POC1B: variants seen among roughly 807,000 people sequenced by gnomAD.
POC1B encodes the protein POC1 centriolar protein homolog B.
Under a neutral mutation model 60.6 loss-of-function variants are expected in POC1B, and 44 were observed. That is an observed-to-expected ratio of 0.73 (90% CI 0.57 to 0.93). The LOEUF is 0.93. Ranked by LOEUF, POC1B falls within the 40% of genes least tolerant of loss-of-function variation. POC1B has a pLI of 0.00. For missense variants in POC1B, 555 were observed against 572.3 expected, an observed-to-expected ratio of 0.97 and a Z score of 0.31; for synonymous variants, 180 against 198.9, an observed-to-expected ratio of 0.90 and a Z score of 0.80.
At position 89,466,775 on chromosome 12, in the gene POC1B, C is replaced by G. The variant is rs745626531; in HGVS notation, c.1027G>C (p.Val343Leu). 1 of 1,611,046 alleles carries G rather than the reference C, an allele frequency of 6.2e-7. No homozygotes were observed. The highest frequency in any genetic ancestry group is 2.2e-5 in the East Asian group (1 of 44,744). ...PHPHEEKVET[V>L]EINPKLEVID... The stretch of plus-strand genomic sequence containing the variant: ...AATATGAACAAAATACTCACTTCTA[C>G]AGTCTCAACTTTTTCCTCATGGGGA... The change falls in exon 9 of 12, where the codon GTA (valine) becomes CTA (leucine). Residue 343 changes from valine (V) to leucine (L), a missense_variant. Physicochemically the swap from Val to Leu is conservative, Grantham distance 32 (BLOSUM62 1). Transcript: ENST00000313546.
chr12:89,407,751 A>G, the POC1B span, among the ~76,000 whole-genome samples: 1 of 152,238 alleles, frequency 6.6e-6, no homozygotes, highest in Non-Finnish European at 1.5e-5. Context: ...CTTAATTGTT[A>G]CAATGAGGCT....
Position 89,466,904 on chromosome 12 carries a change from T to G in POC1B, c.898A>C (p.Asn300His). 2 of 1,612,318 alleles carry G rather than the reference T, an allele frequency of 1.2e-6. No individual in the cohort carries two copies. The highest frequency in any genetic ancestry group is 2.2e-5 in the South Asian group (2 of 90,748). The change falls in exon 9 of 12, where the codon AAC (asparagine) becomes CAC (histidine). Residue 300 changes from asparagine to histidine, a missense_variant. Asn to His is a moderately conservative substitution (Grantham distance 68). Coordinates refer to ENST00000313546, the MANE Select transcript of POC1B (RefSeq NM_172240.3). ...CCTTTACAATGCAATTCATCAAAGT[T>G]AGTCCTCCATAATAAGACCTATGAA... ...ADTQVLLWRTNFDELHCKGLT... is the reference protein window; with the variant it reads ...ADTQVLLWRTHFDELHCKGLT...
At chr12:89,448,166 A>G (rs1436919135) in intron 10 of POC1B, among the ~76,000 whole-genome samples, 2 of 152,214 alleles carry the variant, frequency 1.3e-5, no homozygotes, top group East Asian at 3.9e-4. Flanking sequence ...CAGGATGGGC[A>G]TGGTGGTTCA....
In POC1B at chr12:89,522,925, G is replaced by A. The variant is rs1001844482; in HGVS notation, c.100+2195C>T. 5 of 1,613,876 alleles carry A rather than the reference G, an allele frequency of 3.1e-6. No individual in the cohort carries two copies. The Admixed American group carries it at 6.7e-5, about 22-fold the overall frequency. ...AGCACTAAGACACAGTCCTGAGTGTGGGTGAAAAATAGTTCCATCTTCTTT... is the reference window on the plus strand; with the variant it reads ...AGCACTAAGACACAGTCCTGAGTGTAGGTGAAAAATAGTTCCATCTTCTTT... On this transcript the variant is annotated intron_variant, in intron 2 of 11. Coordinates refer to ENST00000313546, the MANE Select transcript of POC1B (RefSeq NM_172240.3).
At chr12:89,502,477 G>C in intron 2 of POC1B, 3 of 1,147,224 alleles carry the variant, frequency 2.6e-6, no homozygotes, top group Middle Eastern at 2.0e-4. Flanking sequence ...TATTGGAAAA[G>C]TTGACAAAAA....
chr12:89,488,236 T>A (rs1019176574), intron 4 of POC1B, among the ~76,000 whole-genome samples: 1 of 152,206 alleles, frequency 6.6e-6, no homozygotes, highest in African/African-American at 2.4e-5. Context: ...CTTGATAATA[T>A]TCCTTCTTGT....
At chr12:89,470,924 C>T (rs1441935197) in intron 6 of POC1B, among the ~76,000 whole-genome samples, 1 of 152,198 alleles carries the variant, frequency 6.6e-6, no homozygotes, top group African/African-American at 2.4e-5. Flanking sequence ...TGTCTCCAGA[C>T]AGTATCCTTC....
intron 11 of POC1B, among the ~76,000 whole-genome samples, chr12:89,422,525 C>G (rs1880584004): frequency 1.3e-5 from 2 of 152,138 alleles, no homozygotes; most frequent in South Asian, 4.1e-4. Flanking sequence ...GCTATTGGAT[C>G]CAAAGGCTTG....
the POC1B span, among the ~76,000 whole-genome samples, chr12:89,402,338 T>TAC: frequency 0.026 from 3,879 of 148,996 alleles, 117 homozygotes; most frequent in African/African-American, 0.075. Context: ...TTATCACAAA[T>TAC]ACACACACAC....
chr12:89,462,733 A>T (rs1407647664), intron 9 of POC1B, among the ~76,000 whole-genome samples: 2 of 152,244 alleles, frequency 1.3e-5, no homozygotes, highest in Non-Finnish European at 2.9e-5. Flanking sequence ...TTGAAATTCT[A>T]CTGCTGCCAC....
chr12:89,442,139 G>T (rs572378068), intron 10 of POC1B, among the ~76,000 whole-genome samples: 1 of 152,252 alleles, frequency 6.6e-6, no homozygotes, highest in Admixed American at 6.5e-5. Flanking sequence ...CTGGTGTACC[G>T]GAAAGTGATG....
chr12:89,500,807 A>C (rs1869526220), intron 2 of POC1B: 4 of 1,007,136 alleles, frequency 4.0e-6, no homozygotes, highest in Non-Finnish European at 6.1e-6. Flanking sequence ...CAGAAGGACA[A>C]GAAAGAAAAC....
Position 89,419,741 on chromosome 12 carries a change from C to T in POC1B, c.*1412G>A, listed in dbSNP as rs1880453062. 1.3e-5 allele frequency: 2 copies of T among 152,112 alleles called. No individual in the cohort carries two copies. Among genetic ancestry groups the T allele is most frequent in the African/African-American group, 4.8e-5 (2 of 41,402 alleles). 9.4% of individuals were successfully genotyped at this position (152,112 alleles called of 1,614,324 possible). A position where few individuals can be genotyped will look rare whatever the true frequency, so the allele number is the denominator to read the frequency against. ...ACTTTTTCTTTTAAAGCAGAAATGTCTTTATTGTTTGAAGCATGACAAAAT... is the reference window on the plus strand; with the variant it reads ...ACTTTTTCTTTTAAAGCAGAAATGTTTTTATTGTTTGAAGCATGACAAAAT... On this transcript the variant is annotated 3_prime_UTR_variant, in exon 12 of 12. Transcript: ENST00000313546.
chr12:89,500,180 C>A, intron 2 of POC1B: 1 of 1,598,090 alleles, frequency 6.3e-7, no homozygotes, highest in Non-Finnish European at 8.6e-7. Context: ...TAACACAGAG[C>A]AAGGCCAGAA....
chr12:89,497,424 A>C, intron 2 of POC1B, 82 bp from the exon 3 acceptor site: 1 of 1,377,986 alleles, frequency 7.3e-7, no homozygotes, highest in Non-Finnish European at 1.0e-6. Flanking sequence ...CAGCATATCT[A>C]ATAACAAGGC....
At chr12:89,440,247 C>T (rs1286613425) in intron 10 of POC1B, among the ~76,000 whole-genome samples, 1 of 152,218 alleles carries the variant, frequency 6.6e-6, no homozygotes, top group African/African-American at 2.4e-5. Context: ...TTTTCTGTTT[C>T]TTCCACTCAT....
intron 2 of POC1B, chr12:89,523,103 T>C: frequency 6.2e-7 from 1 of 1,613,962 alleles, no homozygotes; most frequent in Non-Finnish European, 8.5e-7. Context: ...AAGAATTGAT[T>C]GCCTCCTTGA....
At chr12:89,523,648 A>G (rs1290370261) in intron 2 of POC1B, 3 of 1,538,122 alleles carry the variant, frequency 2.0e-6, no homozygotes, top group East Asian at 2.2e-5. Flanking sequence ...GATGGGGTCA[A>G]TTCTTGATAT....
intron 4 of POC1B, among the ~76,000 whole-genome samples, chr12:89,490,773 G>C (rs1366759049): frequency 1.3e-5 from 2 of 152,184 alleles, no homozygotes; most frequent in Admixed American, 1.3e-4. Flanking sequence ...CACCTGCCAA[G>C]AGACTGCTAC....
Sources: gnomAD v4.1 joint callset for allele counts (sites outside exome capture counted in the v4.1 genomes callset) on GRCh38, gnomAD v4.1.1 for gene constraint, MANE v1.5 for transcripts, NCBI Gene and HGNC (gene_info 2026-07-23, HGNC 2026-07-21) for gene names.